The following TMCC1 variants were observed in gnomAD, a reference collection of about 807,000 sequenced individuals.
The protein encoded by TMCC1 is transmembrane and coiled-coil domains protein 1.
In TMCC1, 15 loss-of-function variants were observed where a neutral mutation model predicts 52.4. The ratio of observed to expected loss-of-function variants is 0.29; its 90% CI spans 0.19 to 0.44. The LOEUF (loss-of-function observed/expected upper bound fraction) is 0.44. Ranked by LOEUF, TMCC1 falls within the 20% of genes least tolerant of loss-of-function variation. The pLI is 1.00. For missense variants in TMCC1, 503 were observed against 806.0 expected (o/e 0.62, Z 4.55); for synonymous variants, 279 against 301.9 (o/e 0.92, Z 0.79).
intron 4 of TMCC1, among the ~76,000 whole-genome samples, chr3:129,820,352 C>G (rs1430042086): frequency 6.6e-6 from 1 of 151,082 alleles, no homozygotes; most frequent in East Asian, 1.9e-4. Context: ...ATGCCTGGAT[C>G]AAAAAATGTT....
intron 2 of TMCC1, among the ~76,000 whole-genome samples, chr3:129,834,582 T>C (rs2059071367): frequency 6.6e-6 from 1 of 152,252 alleles, no homozygotes; most frequent in African/African-American, 2.4e-5. Context: ...TAAGACATGT[T>C]TTAGGCCTAA....
intron 4 of TMCC1, among the ~76,000 whole-genome samples, chr3:129,815,568 C>T (rs564268135): frequency 1.0e-3 from 155 of 152,266 alleles, no homozygotes; most frequent in African/African-American, 3.4e-3. Flanking sequence ...AACTACACCC[C>T]TATCTCTGAA....
intron 4 of TMCC1, among the ~76,000 whole-genome samples, chr3:129,707,562 C>T (rs916943688): frequency 1.3e-5 from 2 of 152,162 alleles, no homozygotes; most frequent in African/African-American, 4.8e-5. Flanking sequence ...AAACATTGTC[C>T]ATCTTTCCAT....
intron 4 of TMCC1, among the ~76,000 whole-genome samples, chr3:129,714,938 G>C (rs2048957646): frequency 6.6e-6 from 1 of 152,154 alleles, no homozygotes; most frequent in Non-Finnish European, 1.5e-5. Context: ...TGGGCTTACA[G>C]AGCTCAAAAT....
intron 4 of TMCC1, among the ~76,000 whole-genome samples, chr3:129,740,260 T>C (rs183981300): frequency 2.0e-5 from 3 of 152,340 alleles, no homozygotes; most frequent in Admixed American, 2.0e-4. Context: ...TATGCAGAAA[T>C]TGCAAGTCTG....
At chr3:129,720,562 A>C (rs2049493048) in intron 4 of TMCC1, among the ~76,000 whole-genome samples, 1 of 152,176 alleles carries the variant, frequency 6.6e-6, no homozygotes, top group Non-Finnish European at 1.5e-5. Flanking sequence ...GCCATCTTAG[A>C]CCATCTAGGT....
At chr3:129,854,398 G>GAAAAAAAAAAAAAAAAAAAAAAAA (rs71155578) in intron 2 of TMCC1, among the ~76,000 whole-genome samples, 1 of 146,752 alleles carries the variant, frequency 6.8e-6, no homozygotes, top group Non-Finnish European at 1.5e-5. Flanking sequence ...AAAAAAAAAA[G>GAAAAAAAAAAAAAAAAAAAAAAAA]AAAAAAAAAA....
chr3:129,742,947 G>GT (rs2051589830), intron 4 of TMCC1, among the ~76,000 whole-genome samples: 1 of 152,114 alleles, frequency 6.6e-6, no homozygotes, highest in Non-Finnish European at 1.5e-5. Context: ...ACGACATATT[G>GT]TATGATTCCC....
chr3:129,659,372 G>C (rs1355125967), intron 5 of TMCC1, among the ~76,000 whole-genome samples: 1 of 151,812 alleles, frequency 6.6e-6, no homozygotes, highest in Non-Finnish European at 1.5e-5. Flanking sequence ...TGAGACTACA[G>C]GTGTGGGGCA....
chr3:129,781,088 C>T (rs2055485080), intron 4 of TMCC1, among the ~76,000 whole-genome samples: 2 of 152,080 alleles, frequency 1.3e-5, no homozygotes, highest in African/African-American at 4.8e-5. Context: ...AAACCTCTTA[C>T]CACACTATTT....
intron 4 of TMCC1, among the ~76,000 whole-genome samples, chr3:129,801,725 G>A (rs796200710): frequency 3.3e-5 from 5 of 152,234 alleles, no homozygotes; most frequent in East Asian, 1.9e-4. Flanking sequence ...GTGAACCACC[G>A]CGCCCGGCCC....
chr3:129,725,199 C>T (rs368666823), intron 4 of TMCC1, among the ~76,000 whole-genome samples: 1 of 152,116 alleles, frequency 6.6e-6, no homozygotes, highest in Non-Finnish European at 1.5e-5. Flanking sequence ...CCGCAACCTC[C>T]GCCTCCTGGG....
At chr3:129,750,284 G>A (rs1196992144) in intron 4 of TMCC1, among the ~76,000 whole-genome samples, 7 of 152,052 alleles carry the variant, frequency 4.6e-5, no homozygotes, top group African/African-American at 1.7e-4. Context: ...TCTGCCTCCT[G>A]GGTTCAAGCA....
At chr3:129,751,248 G>A (rs1347575962) in intron 4 of TMCC1, among the ~76,000 whole-genome samples, 1 of 151,814 alleles carries the variant, frequency 6.6e-6, no homozygotes, top group African/African-American at 2.4e-5. Flanking sequence ...CAAAACTCCA[G>A]GCTGGGTACA....
chr3:129,752,013 A>C (rs947868491), intron 4 of TMCC1, among the ~76,000 whole-genome samples: 2 of 152,314 alleles, frequency 1.3e-5, no homozygotes, highest in African/African-American at 4.8e-5. Flanking sequence ...GTTAGAAGAT[A>C]TTTATTTAAT....
chr3:129,878,683 T>C (rs2061333986), intron 2 of TMCC1, among the ~76,000 whole-genome samples: 1 of 152,130 alleles, frequency 6.6e-6, no homozygotes, highest in Admixed American at 6.6e-5. Context: ...GCCCAAACGC[T>C]CCAAAGACTT....
intron 2 of TMCC1, among the ~76,000 whole-genome samples, chr3:129,862,927 A>C (rs1451335486): frequency 6.6e-6 from 1 of 152,240 alleles, no homozygotes; most frequent in African/African-American, 2.4e-5. Context: ...CAATTTTGCC[A>C]TATCCATTTC....
At chr3:129,870,759 C>CAAAAA (rs61673201) in intron 2 of TMCC1, among the ~76,000 whole-genome samples, 17 of 10,674 alleles carry the variant, frequency 1.6e-3, no homozygotes, top group African/African-American at 2.7e-3. Context: ...GACTCCATCT[C>CAAAAA]AAAAAAAAAA....
At position 129,774,422 on chromosome 3, in the gene TMCC1, C is replaced by T. The variant is rs189512671; in HGVS notation, c.576+53381G>A. ...ATACTACCTTTCTTCCCACAGCTCA[C>T]CTTCAATAAATGTATGTTAAGAATC... On this transcript the variant is annotated intron_variant, in intron 4 of 6. Coordinates refer to ENST00000393238, the MANE Select transcript of TMCC1 (RefSeq NM_001017395.5). Among the ~76,000 whole-genome samples the T allele has an allele frequency of 2.0e-5, 3 of 152,266 alleles. No individual in the cohort carries two copies. The East Asian group carries it at 5.8e-4, about 29-fold the overall frequency.
Sources: gnomAD v4.1 joint callset for allele counts (sites outside exome capture counted in the v4.1 genomes callset) on GRCh38, gnomAD v4.1.1 for gene constraint, MANE v1.5 for transcripts, NCBI Gene and HGNC (gene_info 2026-07-23, HGNC 2026-07-21) for gene names.